KLF12: variants seen among roughly 807,000 people sequenced by gnomAD.
KLF12 encodes the protein Krueppel-like factor 12.
A neutral mutation model predicts 37.8 loss-of-function variants in KLF12; 9 were observed. The ratio of observed to expected loss-of-function variants is 0.24; its 90% CI spans 0.14 to 0.42. The LOEUF (loss-of-function observed/expected upper bound fraction) is 0.42, where lower values mean the gene tolerates loss of function less well. Among genes scored for constraint, KLF12 ranks in the 10% least tolerant of loss-of-function variants. The pLI is 1.00. For synonymous variants in KLF12, 208 were observed against 202.1 expected (o/e 1.03, Z -0.25); for missense variants, 411 against 516.0 (o/e 0.80, Z 1.97).
rs907028113 is a variant in KLF12, at chr13:73,690,924, A to C, written c.*4566T>G. 2 of 152,616 alleles carry C rather than the reference A, an allele frequency of 1.3e-5. No homozygotes were observed. The highest frequency in any genetic ancestry group is 4.8e-5 in the African/African-American group (2 of 41,456). 9.5% of individuals were successfully genotyped at this position (152,616 alleles called of 1,614,324 possible). On this transcript the variant is annotated 3_prime_UTR_variant, in exon 8 of 8. Coordinates refer to ENST00000377669, the MANE Select transcript of KLF12 (RefSeq NM_007249.5). ...TATGAAAATCTGGATTTCTATTGCAATTGCTCAGTAATTAGCATATTTAAA... is the reference window on the plus strand; with the variant it reads ...TATGAAAATCTGGATTTCTATTGCACTTGCTCAGTAATTAGCATATTTAAA...
At chr13:74,156,822 G>A in the KLF12 span, among the ~76,000 whole-genome samples, 1 of 152,010 alleles carries the variant, frequency 6.6e-6, no homozygotes, top group African/African-American at 2.4e-5. Context: ...TTTTCAATAT[G>A]ACTGAATAGT....
intron 2 of KLF12, among the ~76,000 whole-genome samples, chr13:73,976,031 A>C (rs1593798685): frequency 1.3e-5 from 2 of 151,756 alleles, no homozygotes; most frequent in South Asian, 4.2e-4. Context: ...CACACATTAC[A>C]CCCACCGTAT....
At chr13:73,700,721 C>T (rs1874491347) in intron 7 of KLF12, among the ~76,000 whole-genome samples, 1 of 151,808 alleles carries the variant, frequency 6.6e-6, no homozygotes, top group Non-Finnish European at 1.5e-5. Flanking sequence ...ACGCCCAGTG[C>T]CTAGTATTTC....
chr13:73,853,468 C>A (rs1885441737), intron 3 of KLF12, among the ~76,000 whole-genome samples: 1 of 152,062 alleles, frequency 6.6e-6, no homozygotes, highest in Admixed American at 6.6e-5. Context: ...GCAGGACAGG[C>A]GTGGTGGTTT....
At chr13:73,961,411 G>GA (rs1423102028) in intron 2 of KLF12, among the ~76,000 whole-genome samples, 2 of 152,132 alleles carry the variant, frequency 1.3e-5, no homozygotes, top group African/African-American at 4.8e-5. Context: ...AGATCTGTTA[G>GA]AGAAGTCACA....
At chr13:74,296,010 A>C in the KLF12 span, among the ~76,000 whole-genome samples, 4 of 151,098 alleles carry the variant, frequency 2.6e-5, no homozygotes, top group South Asian at 8.4e-4. Context: ...TTTAGCAGAG[A>C]TGGGGTTTCA....
chr13:74,199,365 C>T, the KLF12 span, among the ~76,000 whole-genome samples: 1 of 152,158 alleles, frequency 6.6e-6, no homozygotes, highest in Non-Finnish European at 1.5e-5. Flanking sequence ...AGTGTGGTAG[C>T]TTGAGAGCGA....
chr13:73,872,718 T>A (rs886579394), intron 3 of KLF12, among the ~76,000 whole-genome samples: 6 of 152,226 alleles, frequency 3.9e-5, no homozygotes, highest in African/African-American at 1.4e-4. Context: ...CCTTGCTCCA[T>A]CTGCTCTTAA....
chr13:73,810,437 T>A (rs1406145064), intron 5 of KLF12, among the ~76,000 whole-genome samples: 3 of 152,120 alleles, frequency 2.0e-5, no homozygotes, highest in African/African-American at 4.8e-5. Context: ...ATACTTTTTT[T>A]ATTTTACTTT....
intron 4 of KLF12, among the ~76,000 whole-genome samples, chr13:73,813,496 C>A (rs1273762199): frequency 6.6e-6 from 1 of 152,106 alleles, no homozygotes; most frequent in Admixed American, 6.5e-5. Flanking sequence ...CCTAAACCAG[C>A]TCTCAAGAAT....
intron 2 of KLF12, among the ~76,000 whole-genome samples, chr13:73,990,049 G>A (rs1479667895): frequency 6.6e-6 from 1 of 151,828 alleles, no homozygotes. Flanking sequence ...TAGCCACCTT[G>A]GGAACAAAAA....
chr13:74,214,832 C>A, the KLF12 span, among the ~76,000 whole-genome samples: 1 of 151,902 alleles, frequency 6.6e-6, no homozygotes. Context: ...TCTCACTCTG[C>A]CACCCAAGTT....
chr13:73,791,973 G>C (rs1025338115), intron 5 of KLF12, among the ~76,000 whole-genome samples: 2 of 152,134 alleles, frequency 1.3e-5, no homozygotes. Flanking sequence ...ACCTAAATCA[G>C]CTATTTTCAA....
chr13:73,944,142 C>T, intron 2 of KLF12, 72 bp from the exon 3 acceptor site: 4 of 877,646 alleles, frequency 4.6e-6, no homozygotes, highest in African/African-American at 1.7e-5. Flanking sequence ...AGAGTCTTCC[C>T]TCATTGTAGT....
In KLF12 at chr13:73,689,214, T is replaced by C. The variant is rs1350613144; in HGVS notation, c.*6276A>G. ...CCAGCAGCTTTCCTTTGACACTTAA[T>C]TGGTTATTTTACCCCCTTATCCTGG... On this transcript the variant is annotated 3_prime_UTR_variant, in exon 8 of 8. Coordinates refer to ENST00000377669, the MANE Select transcript of KLF12 (RefSeq NM_007249.5). 1 of 152,154 alleles carries C rather than the reference T, an allele frequency of 6.6e-6. No individual in the cohort carries two copies. Among genetic ancestry groups the C allele is most frequent in the African/African-American group, 2.4e-5 (1 of 41,442 alleles). 9.4% of individuals were successfully genotyped at this position (152,154 alleles called of 1,614,324 possible). A position where few individuals can be genotyped will look rare whatever the true frequency, so the allele number is the denominator to read the frequency against.
At chr13:73,987,411 AT>A (rs1467352154) in intron 2 of KLF12, among the ~76,000 whole-genome samples, 8 of 152,140 alleles carry the variant, frequency 5.3e-5, no homozygotes, top group Admixed American at 4.6e-4. Flanking sequence ...AAGTAAAAAA[AT>A]TTTAACTAAA....
intron 1 of KLF12, among the ~76,000 whole-genome samples, chr13:74,009,117 T>C (rs1892484522): frequency 1.3e-5 from 2 of 152,234 alleles, no homozygotes; most frequent in African/African-American, 4.8e-5. Flanking sequence ...GGATTTCTTT[T>C]CTAAGCACAG....
At chr13:73,921,397 C>T (rs948211369) in intron 3 of KLF12, among the ~76,000 whole-genome samples, 6 of 152,146 alleles carry the variant, frequency 3.9e-5, no homozygotes, top group African/African-American at 7.2e-5. Flanking sequence ...GGGCCTACAA[C>T]ACAAAAGCTG....
intron 6 of KLF12, among the ~76,000 whole-genome samples, chr13:73,736,761 A>C (rs189473102): frequency 6.6e-6 from 1 of 152,312 alleles, no homozygotes; most frequent in African/African-American, 2.4e-5. Context: ...AACATGTTTA[A>C]CATCATCAGT....
Sources: allele counts gnomAD v4.1 joint callset (sites outside exome capture counted in the v4.1 genomes callset), GRCh38; gene constraint gnomAD v4.1.1; transcripts MANE v1.5; gene names NCBI Gene and HGNC (gene_info 2026-07-23, HGNC 2026-07-21).